The following STAG3 variants were observed in gnomAD, a reference collection of about 807,000 sequenced individuals.
STAG3 encodes cohesin subunit SA-3.
In STAG3, 101 loss-of-function variants were observed where a neutral mutation model predicts 160.7. The observed-to-expected ratio is 0.63, with a 90% CI of 0.54 to 0.74. The LOEUF (loss-of-function observed/expected upper bound fraction) is 0.74. Ranked by LOEUF, STAG3 falls within the 30% of genes least tolerant of loss-of-function variation. STAG3 has a pLI of 0.00. For synonymous variants in STAG3, 519 were observed against 585.0 expected (o/e 0.89, Z 1.63); for missense variants, 1,188 against 1,517.4 (o/e 0.78, Z 3.61).
intron 8 of STAG3, among the ~76,000 whole-genome samples, chr7:100,192,168 C>T (rs900043723): frequency 2.0e-5 from 3 of 152,188 alleles, no homozygotes; most frequent in Non-Finnish European, 2.9e-5. Flanking sequence ...CAACTTAACT[C>T]TTGTTAATGT....
chr7:100,208,587 G>A (rs1801876795), intron 29 of STAG3, among the ~76,000 whole-genome samples: 1 of 152,206 alleles, frequency 6.6e-6, no homozygotes, highest in African/African-American at 2.4e-5. Context: ...AATAGCACAA[G>A]CAAAGCATAG....
chr7:100,206,171 C>T (rs1727123), intron 29 of STAG3, among the ~76,000 whole-genome samples: 104,559 of 151,266 alleles, frequency 0.69, 36,792 homozygotes, highest in Middle Eastern at 0.86. Context: ...CCCGCCACCA[C>T]GCCTGGCTAA....
intron 27 of STAG3, 82 bp from the exon 28 acceptor site, chr7:100,204,915 CGGGGGGAG>C: frequency 3.9e-6 from 6 of 1,552,264 alleles, no homozygotes; most frequent in Non-Finnish European, 5.2e-6. Flanking sequence ...AAGCTGGGGA[CGGGGGGAG>C]GGTGCATTTG....
In STAG3 at chr7:100,200,943, C is replaced by A. The variant is rs1801073666; in HGVS notation, c.2035C>A (p.Gln679Lys). The change falls in exon 19 of 34, where the codon CAG becomes AAG. Residue 679 changes from glutamine to lysine, a missense_variant. Coordinates refer to ENST00000615138, the MANE Select transcript of STAG3 (RefSeq NM_001282717.2). ...QLVDLLTDRFQQELEELLQSS... is the reference protein window; with the variant it reads ...QLVDLLTDRFKQELEELLQSS... ...AGTAGATTTGCTGACTGACCGCTTC[C>A]AGCAGGAGCTTGAAGAGCTGTTACA... The A allele has an allele frequency of 6.2e-7, 1 of 1,614,094 alleles. No individual in the cohort carries two copies. Among genetic ancestry groups the A allele is most frequent in the African/African-American group, 1.3e-5 (1 of 74,936 alleles).
chr7:100,214,863 C>CT (rs1190967157), downstream of STAG3: 6 of 152,170 alleles, frequency 3.9e-5, no homozygotes, highest in East Asian at 1.2e-3. Flanking sequence ...ACAATGTCAC[C>CT]TTCACTCTTG....
Position 100,180,607 on chromosome 7 carries a change from T to C in STAG3, c.51T>C (p.Ser17=). The change falls in exon 2 of 34, where the codon TCT becomes TCC. Residue 17 remains serine (S), a synonymous_variant. Transcript: ENST00000615138. ...RAVGDTKRAL[S]ASSSSSASLP... ...TGGGAGATACCAAGAGGGCCTTGTC[T>C]GCATCTTCTAGTTCCTCTGCCAGTC... 2 of 1,613,774 alleles carry C rather than the reference T, an allele frequency of 1.2e-6. No individual in the cohort carries two copies. Among genetic ancestry groups the C allele is most frequent in the Non-Finnish European group, 1.7e-6 (2 of 1,179,628 alleles).
At position 100,200,931 on chromosome 7, in the gene STAG3, A is replaced by G; in HGVS notation, c.2023A>G (p.Thr675Ala). Reference sequence around the variant, plus strand: ...CCGCAGCCAGCTAGTAGATTTGCTGACTGACCGCTTCCAGCAGGAGCTTGA... The same window carrying G: ...CCGCAGCCAGCTAGTAGATTTGCTGGCTGACCGCTTCCAGCAGGAGCTTGA... ...FARSQLVDLLTDRFQQELEEL... is the reference protein window; with the variant it reads ...FARSQLVDLLADRFQQELEEL... The change falls in exon 19 of 34, where the codon ACT becomes GCT. Residue 675 changes from threonine (T) to alanine (A), a missense_variant. Thr to Ala is a moderately conservative substitution (Grantham distance 58, BLOSUM62 0). Coordinates refer to ENST00000615138, the MANE Select transcript of STAG3 (RefSeq NM_001282717.2). 6.2e-7 allele frequency: 1 copy of G among 1,614,184 alleles called. No individual in the cohort carries two copies.
chr7:100,211,287 C>T, intron 30 of STAG3, 102 bp downstream of exon 30: 6 of 1,484,072 alleles, frequency 4.0e-6, no homozygotes, highest in Non-Finnish European at 5.5e-6. Context: ...GTAGCACTCC[C>T]ACATTGTTGG....
chr7:100,184,463 G>GGTTTTTTTTTTTT lies in STAG3; in HGVS notation c.336+1624_336+1625insGTTTTTTTTTTTT, dbSNP rs71126310. Among the ~76,000 whole-genome samples, 5 of 98,588 alleles carry GGTTTTTTTTTTTT rather than the reference G, an allele frequency of 5.1e-5. 1 individual carries two copies. Among genetic ancestry groups the GGTTTTTTTTTTTT allele is most frequent in the Non-Finnish European group, 5.8e-5 (3 of 52,026 alleles). 64.7% of individuals were successfully genotyped at this position (98,588 alleles called of 152,430 possible). On this transcript the variant is annotated intron_variant, in intron 4 of 33. Transcript: ENST00000615138. ...TTATATGCAGTTGTACAGCGTGTTA[G>GGTTTTTTTTTTTT]TTTTTTTTTTTTTTTTTTTTTTTGA...
chr7:100,190,215 G>A, intron 8 of STAG3, among the ~76,000 whole-genome samples: 1 of 152,140 alleles, frequency 6.6e-6, no homozygotes, highest in East Asian at 1.9e-4. Flanking sequence ...ACCACTGGGG[G>A]GCATAAGCCA....
chr7:100,204,573 C>T (rs939340177), intron 26 of STAG3, 54 bp from the exon 27 acceptor site: 1 of 1,588,626 alleles, frequency 6.3e-7, no homozygotes, highest in Non-Finnish European at 8.6e-7. Context: ...CTGGACTTCT[C>T]TGTTTCCGCC....
At chr7:100,198,707 G>C in intron 13 of STAG3, 125 bp downstream of exon 13, 1 of 1,232,468 alleles carries the variant, frequency 8.1e-7, no homozygotes. Context: ...CTTTCTTCTC[G>C]CAGCTCCTTG....
chr7:100,199,391 A>AC (rs758468666), intron 15 of STAG3, 24 bp downstream of exon 15: 1 of 1,602,470 alleles, frequency 6.2e-7, no homozygotes, highest in South Asian at 1.1e-5. Context: ...GGAGCCAGGG[A>AC]CAGGGACCTT....
intron 26 of STAG3, 74 bp from the exon 27 acceptor site, chr7:100,204,553 G>T: frequency 6.4e-7 from 1 of 1,551,492 alleles, no homozygotes; most frequent in Non-Finnish European, 8.7e-7. Context: ...TCTGAGTAGA[G>T]AAGAGAATGC....
chr7:100,199,491 G>A lies in STAG3; in HGVS notation c.1574-50G>A, dbSNP rs373807249. On this transcript the variant is annotated intron_variant, in intron 15 of 33. Coordinates refer to ENST00000615138, the MANE Select transcript of STAG3 (RefSeq NM_001282717.2). ...ATCGGGTGGGGGGAGCTTGGAGTTG[G>A]AAGGTGGCTAATCTTTGATTCTATG... is the stretch of plus-strand genomic sequence containing the variant. 8.4e-5 allele frequency: 132 copies of A among 1,569,722 alleles called. No homozygotes were observed. In the African/African-American group the frequency reaches 1.6e-3, roughly 19 times the overall value.
chr7:100,183,495 T>TCTCTC (rs1799784788), intron 4 of STAG3, among the ~76,000 whole-genome samples: 1 of 152,244 alleles, frequency 6.6e-6, no homozygotes, highest in African/African-American at 2.4e-5. Flanking sequence ...TATTTTTTCC[T>TCTCTC]TGTTTCTTTT....
chr7:100,197,549 G>C (rs754600442), intron 10 of STAG3: 21 of 635,752 alleles, frequency 3.3e-5, no homozygotes, highest in Non-Finnish European at 6.0e-5. Flanking sequence ...GGTAATGCAG[G>C]TGCTAAGGGG....
rs765138899 is a variant in STAG3, at chr7:100,199,652, G to A, written c.1677+8G>A. 2.6e-5 allele frequency: 41 copies of A among 1,577,904 alleles called. No individual in the cohort carries two copies. The Admixed American group carries it at 6.3e-4, about 24-fold the overall frequency. On this transcript the variant is annotated splice_region_variant and intron_variant, in intron 16 of 33. Transcript: ENST00000615138. ...CGGGTCACTGGGAGGAAGGTATGGT[G>A]TGAGGGTAGAGTGGGTAGGTCAGCA...
At chr7:100,190,970 T>G (rs1474966742) in intron 8 of STAG3, among the ~76,000 whole-genome samples, 2 of 152,266 alleles carry the variant, frequency 1.3e-5, no homozygotes. Flanking sequence ...AAGACTTAAG[T>G]ATGTCCTGTC....
Sources: allele counts gnomAD v4.1 joint callset (sites outside exome capture counted in the v4.1 genomes callset), GRCh38; gene constraint gnomAD v4.1.1; transcripts MANE v1.5; gene names NCBI Gene and HGNC (gene_info 2026-07-23, HGNC 2026-07-21).